The following PIAS2 variants were observed in gnomAD, a reference collection of about 807,000 sequenced individuals.
PIAS2 encodes the protein E3 SUMO-protein ligase PIAS2.
A neutral mutation model predicts 69.7 loss-of-function variants in PIAS2; 19 were observed. The observed-to-expected ratio is 0.27, with a 90% CI of 0.19 to 0.40. The LOEUF is 0.40. Among genes scored for constraint, PIAS2 ranks in the 10% least tolerant of loss-of-function variants. The probability of loss-of-function intolerance (pLI) is 1.00; values close to 1 mark genes in which losing one functional copy is unlikely to be tolerated. For missense variants in PIAS2, 624 were observed against 757.0 expected (o/e 0.82, Z 2.06); for synonymous variants, 261 against 263.2 (o/e 0.99, Z 0.08).
At position 46,908,284 on chromosome 18, in the gene PIAS2, T is replaced by A. The variant is rs529185251; in HGVS notation, c.24+9038A>T. Among the ~76,000 whole-genome samples the A allele has an allele frequency of 5.9e-5, 9 of 152,270 alleles. No individual in the cohort carries two copies. In the East Asian group the frequency reaches 1.7e-3, roughly 29 times the overall value. On this transcript the variant is annotated intron_variant, in intron 1 of 13. Coordinates refer to ENST00000585916, the MANE Select transcript of PIAS2 (RefSeq NM_004671.5). Reference sequence around the variant, plus strand: ...GCCACCTCACCAGGCAAGAAGTTTGTTTATGCTAGCAGCAGCATCATCTTG... The same window carrying A: ...GCCACCTCACCAGGCAAGAAGTTTGATTATGCTAGCAGCAGCATCATCTTG...
At chr18:46,834,122 T>C (rs2044084533) in intron 9 of PIAS2, among the ~76,000 whole-genome samples, 1 of 152,180 alleles carries the variant, frequency 6.6e-6, no homozygotes, top group African/African-American at 2.4e-5. Flanking sequence ...CTGTGTTGAA[T>C]GAATTCATGA....
intron 3 of PIAS2, among the ~76,000 whole-genome samples, chr18:46,862,176 CAA>C (rs1485549207): frequency 3.3e-5 from 5 of 152,044 alleles, no homozygotes; most frequent in African/African-American, 9.7e-5. Context: ...ACTAAAAACA[CAA>C]AAATTAGCCA....
chr18:46,883,227 T>A (rs142511881), intron 2 of PIAS2, among the ~76,000 whole-genome samples: 38 of 152,318 alleles, frequency 2.5e-4, no homozygotes, highest in Non-Finnish European at 4.9e-4. Context: ...CCCTTTCTTA[T>A]GATTTTTGAT....
At chr18:46,824,366 G>A (rs966885224) in intron 11 of PIAS2, among the ~76,000 whole-genome samples, 5 of 152,136 alleles carry the variant, frequency 3.3e-5, no homozygotes, top group Admixed American at 3.3e-4. Context: ...GAGACATATA[G>A]ATTTATCCTT....
intron 13 of PIAS2, among the ~76,000 whole-genome samples, chr18:46,814,583 GGACTTGTGCTTAGCT>G (rs2041313048): frequency 6.6e-6 from 1 of 152,174 alleles, no homozygotes; most frequent in Non-Finnish European, 1.5e-5. Flanking sequence ...GGCTGATACA[GGACTTGTGCTTAGCT>G]GACTGAGCAG....
In PIAS2 at chr18:46,803,370, C is replaced by A. The variant is rs1040051893; in HGVS notation, c.*9063G>T. Reference sequence around the variant, plus strand: ...ATCAGCAGCTTTTAACTCCACTAACCACTTGCTTCTTGAAATACTCTATTT... The same window carrying A: ...ATCAGCAGCTTTTAACTCCACTAACAACTTGCTTCTTGAAATACTCTATTT... On this transcript the variant is annotated 3_prime_UTR_variant, in exon 14 of 14. Transcript: ENST00000585916. 5.3e-5 allele frequency: 8 copies of A among 152,032 alleles called. No individual in the cohort carries two copies. The highest frequency in any genetic ancestry group is 2.0e-4 in the Admixed American group (3 of 15,264). 9.4% of individuals were successfully genotyped at this position (152,032 alleles called of 1,614,324 possible). A position where few individuals can be genotyped will look rare whatever the true frequency, so the allele number is the denominator to read the frequency against.
At chr18:46,816,053 A>G in intron 12 of PIAS2, 1 of 984,410 alleles carries the variant, frequency 1.0e-6, no homozygotes, top group Non-Finnish European at 1.2e-6. Flanking sequence ...TTAGGTCTGA[A>G]AAGTCTAGTA....
intron 11 of PIAS2, among the ~76,000 whole-genome samples, chr18:46,821,298 T>C (rs1303900166): frequency 2.0e-5 from 3 of 152,154 alleles, no homozygotes; most frequent in Non-Finnish European, 4.4e-5. Flanking sequence ...TAAGAGCAAG[T>C]TGACATTCAA....
At chr18:46,898,031 T>G (rs962187811) in intron 1 of PIAS2, among the ~76,000 whole-genome samples, 4 of 151,660 alleles carry the variant, frequency 2.6e-5, no homozygotes, top group African/African-American at 9.7e-5. Flanking sequence ...TAATTTTTAC[T>G]TTTCATACAG....
Position 46,836,355 on chromosome 18 carries a change from A to T in PIAS2, c.1202+2T>A. On this transcript the variant is annotated splice_donor_variant, in intron 9 of 13. Transcript: ENST00000585916. LOFTEE classifies it high-confidence loss of function. ...ATCAGCTGTTAAAAGGGATATACTT[A>T]CCCATCTAATATTAGACTTTCATAG... 2 of 1,612,948 alleles carry T rather than the reference A, an allele frequency of 1.2e-6. No individual in the cohort carries two copies. The highest frequency in any genetic ancestry group is 1.7e-6 in the Non-Finnish European group (2 of 1,178,960).
chr18:46,868,950 C>G (rs1208875965), intron 2 of PIAS2, among the ~76,000 whole-genome samples: 2 of 152,216 alleles, frequency 1.3e-5, no homozygotes, highest in Non-Finnish European at 2.9e-5. Context: ...AAAGGATCCT[C>G]ACACACCATG....
chr18:46,855,287 C>T, intron 5 of PIAS2, 58 bp downstream of exon 5: 1 of 1,054,516 alleles, frequency 9.5e-7, no homozygotes, highest in Admixed American at 2.0e-5. Flanking sequence ...TGTTTCTAGG[C>T]CTTGTCAGTG....
intron 9 of PIAS2, among the ~76,000 whole-genome samples, chr18:46,835,123 CAT>C (rs1429444953): frequency 3.3e-5 from 5 of 152,300 alleles, no homozygotes; most frequent in African/African-American, 9.6e-5. Context: ...AGGGGCATGA[CAT>C]ATGTAACTCT....
At chr18:46,885,456 G>T (rs62095382) in intron 2 of PIAS2, among the ~76,000 whole-genome samples, 4 of 151,782 alleles carry the variant, frequency 2.6e-5, no homozygotes, top group Non-Finnish European at 4.4e-5. Context: ...GGGAGGCGGA[G>T]GTTGCAGCTA....
intron 6 of PIAS2, 91 bp downstream of exon 6, chr18:46,846,616 A>G: frequency 1.6e-6 from 2 of 1,251,070 alleles, no homozygotes; most frequent in South Asian, 2.1e-5. Flanking sequence ...CCAAAAACAG[A>G]AAGAGCTGAA....
At chr18:46,845,162 C>T (rs1281777335) in intron 6 of PIAS2, among the ~76,000 whole-genome samples, 2 of 152,084 alleles carry the variant, frequency 1.3e-5, no homozygotes, top group Admixed American at 1.3e-4. Flanking sequence ...GAAAATGTAC[C>T]CTCCTATGAC....
At chr18:46,844,873 T>C (rs779700349) in intron 6 of PIAS2, 34 bp from the exon 7 acceptor site, 1 of 823,806 alleles carries the variant, frequency 1.2e-6, no homozygotes, top group Non-Finnish European at 1.9e-6. Context: ...GCATTAAAGA[T>C]GAGAGATAAT....
chr18:46,917,593 C>T (rs971982349), upstream of PIAS2: 34 of 1,036,720 alleles, frequency 3.3e-5, no homozygotes, highest in South Asian at 4.6e-5. Flanking sequence ...GCCTTCCGCC[C>T]GCGCCTTCAG....
intron 2 of PIAS2, among the ~76,000 whole-genome samples, chr18:46,887,593 A>G (rs1469817284): frequency 3.3e-5 from 5 of 152,236 alleles, no homozygotes; most frequent in Admixed American, 3.3e-4. Flanking sequence ...TGTTAGTCAC[A>G]TTGTAAGCAA....
Sources: allele counts gnomAD v4.1 joint callset (sites outside exome capture counted in the v4.1 genomes callset), GRCh38; gene constraint gnomAD v4.1.1; transcripts MANE v1.5; gene names NCBI Gene and HGNC (gene_info 2026-07-23, HGNC 2026-07-21).